SNX6: variants seen among roughly 807,000 people sequenced by gnomAD.
The protein encoded by SNX6 is sorting nexin 6.
Under a neutral mutation model 63.0 loss-of-function variants are expected in SNX6, and 34 were observed. The observed-to-expected ratio is 0.54, with a 90% CI of 0.41 to 0.72. The LOEUF (loss-of-function observed/expected upper bound fraction) is 0.72. Ranked by LOEUF, SNX6 falls within the 30% of genes least tolerant of loss-of-function variation. SNX6 has a pLI of 0.00. For missense variants in SNX6, 398 were observed against 471.4 expected, an observed-to-expected ratio of 0.84 and a Z score of 1.44; for synonymous variants, 170 against 164.2, an observed-to-expected ratio of 1.04 and a Z score of -0.27.
chr14:34,567,840 T>C lies in SNX6; in HGVS notation c.1081+14A>G. ...TAAAGCATATCTTGTGATTAAAGGT[T>C]AACGTAACAGTACCTTGTTTTGCAG... is the stretch of plus-strand genomic sequence containing the variant. On this transcript the variant is annotated intron_variant, in intron 12 of 13. Coordinates refer to ENST00000362031, the MANE Select transcript of SNX6 (RefSeq NM_152233.4). The C allele has an allele frequency of 6.2e-7, 1 of 1,613,782 alleles. No individual in the cohort carries two copies. Among genetic ancestry groups the C allele is most frequent in the Non-Finnish European group, 8.5e-7 (1 of 1,179,866 alleles).
chr14:34,571,260 C>T (rs557906355), intron 11 of SNX6, among the ~76,000 whole-genome samples: 97 of 151,524 alleles, frequency 6.4e-4, no homozygotes, highest in African/African-American at 2.2e-3. Context: ...GGTGAAACCC[C>T]GTCTGTACTA....
chr14:34,565,990 A>G (rs1881165947), intron 13 of SNX6, among the ~76,000 whole-genome samples: 1 of 151,336 alleles, frequency 6.6e-6, no homozygotes, highest in Admixed American at 6.6e-5. Flanking sequence ...CGCCTGGCTG[A>G]TTTTTGTATT....
At chr14:34,586,152 T>C (rs1726348569) in intron 9 of SNX6, 78 bp downstream of exon 9, 3 of 758,458 alleles carry the variant, frequency 4.0e-6, no homozygotes, top group East Asian at 3.0e-5. Context: ...CCACCCACCT[T>C]CGCCTCCCAA....
chr14:34,609,813 T>C (rs1883156605), intron 2 of SNX6, 71 bp from the exon 3 acceptor site: 2 of 1,058,974 alleles, frequency 1.9e-6, no homozygotes, highest in East Asian at 2.5e-5. Flanking sequence ...CTTAAGACAA[T>C]GCAAAAACAA....
intron 9 of SNX6, among the ~76,000 whole-genome samples, chr14:34,581,995 A>T (rs556679825): frequency 7.9e-5 from 12 of 151,774 alleles, no homozygotes; most frequent in Non-Finnish European, 1.3e-4. Flanking sequence ...CGCCTAGCTA[A>T]TTTTTGTATT....
At chr14:34,574,953 G>A (rs764875014) in intron 11 of SNX6, among the ~76,000 whole-genome samples, 1 of 150,454 alleles carries the variant, frequency 6.6e-6, no homozygotes, top group African/African-American at 2.4e-5. Context: ...GTGCAATGGC[G>A]TGATATCTGC....
chr14:34,621,487 T>A (rs1305469987), intron 2 of SNX6, among the ~76,000 whole-genome samples: 1 of 152,204 alleles, frequency 6.6e-6, no homozygotes, highest in Non-Finnish European at 1.5e-5. Flanking sequence ...ATTCACTTAT[T>A]AAACAACTGA....
chr14:34,576,059 G>A (rs564414524), intron 10 of SNX6, among the ~76,000 whole-genome samples: 1 of 151,398 alleles, frequency 6.6e-6, no homozygotes, highest in East Asian at 2.0e-4. Flanking sequence ...GAGCAGCTGG[G>A]ACTACAGGCG....
Position 34,605,726 on chromosome 14 carries a change from G to A in SNX6, c.271-9C>T. Reference sequence around the variant, plus strand: ...GGTGGTGCTGGTGGAATCTGTAACAGGACCAAATGACTAATTTTAAGGAAA... The same window carrying A: ...GGTGGTGCTGGTGGAATCTGTAACAAGACCAAATGACTAATTTTAAGGAAA... On this transcript the variant is annotated splice_polypyrimidine_tract_variant and intron_variant, in intron 4 of 13. Coordinates refer to ENST00000362031, the MANE Select transcript of SNX6 (RefSeq NM_152233.4). 1 of 1,583,624 alleles carries A rather than the reference G, an allele frequency of 6.3e-7. No homozygotes were observed. Among genetic ancestry groups the A allele is most frequent in the Non-Finnish European group, 8.5e-7 (1 of 1,171,604 alleles).
intron 4 of SNX6, among the ~76,000 whole-genome samples, chr14:34,607,648 C>T (rs1378676903): frequency 6.6e-6 from 1 of 151,790 alleles, no homozygotes; most frequent in Non-Finnish European, 1.5e-5. Context: ...TGGCTCACGC[C>T]TGTAATCTCA....
At position 34,605,647 on chromosome 14, in the gene SNX6, TCTC is replaced by T. The variant is rs1347252281; in HGVS notation, c.338_340del (p.Gly113del). The T allele has an allele frequency of 6.2e-7, 1 of 1,610,916 alleles. No individual in the cohort carries two copies. The highest frequency in any genetic ancestry group is 1.7e-5 in the Admixed American group (1 of 59,550). On this transcript the variant is annotated inframe_deletion, in exon 5 of 14. Transcript: ENST00000362031. Reference sequence around the variant, plus strand: ...GAATTCTTCCTTCGTCATTGACCCTTCTCCTTCACCAAGCTTCTGTAGTTTTTC... The same window carrying T: ...GAATTCTTCCTTCGTCATTGACCCTTCTTCACCAAGCTTCTGTAGTTTTTC...
Position 34,563,146 on chromosome 14 carries a change from C to G in SNX6, c.1197G>C (p.Leu399=). 6.2e-7 allele frequency: 1 copy of G among 1,614,012 alleles called. No homozygotes were observed. Among genetic ancestry groups the G allele is most frequent in the South Asian group, 1.1e-5 (1 of 91,042 alleles). Residue 399 remains leucine, a synonymous_variant, in exon 14 of 14, where the codon CTG becomes CTC. Transcript: ENST00000362031. ...KGNLQLLQNC[L]AVLNGDT is the part of the protein sequence containing the mutation. ...CTTATGTGTCTCCATTTAACACTGCCAGGCAGTTCTGCAGCAACTGTAGAT... is the reference window on the plus strand; with the variant it reads ...CTTATGTGTCTCCATTTAACACTGCGAGGCAGTTCTGCAGCAACTGTAGAT...
intron 6 of SNX6, among the ~76,000 whole-genome samples, chr14:34,600,146 CTT>C (rs1189716504): frequency 6.6e-6 from 1 of 152,004 alleles, no homozygotes; most frequent in Non-Finnish European, 1.5e-5. Flanking sequence ...TCTTTTTTCT[CTT>C]TTGAGACAGA....
At chr14:34,587,251 G>C (rs922485159) in intron 8 of SNX6, among the ~76,000 whole-genome samples, 2 of 151,760 alleles carry the variant, frequency 1.3e-5, no homozygotes, top group Non-Finnish European at 2.9e-5. Flanking sequence ...AACATAACAT[G>C]GCCGGGCACG....
At chr14:34,596,612 C>A in intron 7 of SNX6, among the ~76,000 whole-genome samples, 1 of 124,444 alleles carries the variant, frequency 8.0e-6, no homozygotes. Flanking sequence ...AAGCAAGACT[C>A]TATCTCAGGA....
chr14:34,628,284 C>T lies in SNX6; in HGVS notation c.54+1623G>A, dbSNP rs182938733. 8.4e-3 allele frequency among the ~76,000 whole-genome samples: 1,280 copies of T among 152,134 alleles called. 13 individuals are homozygous for T. Among genetic ancestry groups the T allele is most frequent in the African/African-American group, 0.029 (1,219 of 41,512 alleles). ...ACCATCCTGGCTAACATGATGAAAC[C>T]CCGTCTCTACTAAAAATACAAAAAA... On this transcript the variant is annotated intron_variant, in intron 2 of 13. Transcript: ENST00000362031.
intron 2 of SNX6, among the ~76,000 whole-genome samples, chr14:34,610,113 G>A (rs941256068): frequency 6.6e-6 from 1 of 151,742 alleles, no homozygotes; most frequent in African/African-American, 2.4e-5. Flanking sequence ...GGAGGCTGAA[G>A]CGGGAGGACT....
intron 13 of SNX6, among the ~76,000 whole-genome samples, chr14:34,563,397 A>T (rs531992749): frequency 6.6e-6 from 1 of 152,200 alleles, no homozygotes; most frequent in Non-Finnish European, 1.5e-5. Flanking sequence ...TCTCTACTAA[A>T]AAATACAAAA....
At chr14:34,591,742 T>C (rs1882401566) in intron 8 of SNX6, among the ~76,000 whole-genome samples, 1 of 152,248 alleles carries the variant, frequency 6.6e-6, no homozygotes, top group Non-Finnish European at 1.5e-5. Context: ...TGGCAACAAA[T>C]ACTACCTTTG....
Sources: allele counts gnomAD v4.1 joint callset (sites outside exome capture counted in the v4.1 genomes callset), GRCh38; gene constraint gnomAD v4.1.1; transcripts MANE v1.5; gene names NCBI Gene and HGNC (gene_info 2026-07-23, HGNC 2026-07-21).